The following THRB variants were observed in gnomAD, a reference collection of about 807,000 sequenced individuals.
The protein encoded by THRB is nuclear receptor subfamily 1 group A member 2.
A neutral mutation model predicts 47.8 loss-of-function variants in THRB; 12 were observed. The ratio of observed to expected loss-of-function variants is 0.25; its 90% CI spans 0.16 to 0.41. The LOEUF is 0.41. Ranked by LOEUF, THRB falls within the 10% of genes least tolerant of loss-of-function variation. The pLI, the probability that THRB is intolerant of heterozygous loss-of-function variation, is 1.00. For synonymous variants in THRB, 218 were observed against 212.2 expected (o/e 1.03, Z -0.24); for missense variants, 348 against 589.2 (o/e 0.59, Z 4.24).
chr3:24,368,302 C>T (rs572254757), intron 1 of THRB, among the ~76,000 whole-genome samples: 13 of 152,084 alleles, frequency 8.5e-5, no homozygotes, highest in Non-Finnish European at 1.3e-4. Flanking sequence ...GACTTTACTG[C>T]GGTATTGTGA....
At chr3:24,404,968 T>C (rs974458401) in intron 1 of THRB, among the ~76,000 whole-genome samples, 1 of 151,932 alleles carries the variant, frequency 6.6e-6, no homozygotes, top group Non-Finnish European at 1.5e-5. Flanking sequence ...AACCTAAGAA[T>C]GATCATTAAA....
chr3:24,395,488 T>A (rs2066889834), intron 1 of THRB, among the ~76,000 whole-genome samples: 1 of 152,016 alleles, frequency 6.6e-6, no homozygotes, highest in Non-Finnish European at 1.5e-5. Flanking sequence ...CCAAAGATGA[T>A]AAACAAGTGG....
At chr3:24,148,329 G>A (rs1048070786) in intron 6 of THRB, among the ~76,000 whole-genome samples, 1 of 152,086 alleles carries the variant, frequency 6.6e-6, no homozygotes, top group Admixed American at 6.5e-5. Context: ...GTTTTGCCAT[G>A]TTGGCCAGGC....
At chr3:24,160,708 G>T (rs6788387) in intron 5 of THRB, among the ~76,000 whole-genome samples, 1 of 151,970 alleles carries the variant, frequency 6.6e-6, no homozygotes, top group Non-Finnish European at 1.5e-5. Context: ...AAAAGCTGGA[G>T]CAGAGTGGGT....
intron 1 of THRB, among the ~76,000 whole-genome samples, chr3:24,406,778 A>G (rs2067859921): frequency 6.6e-6 from 1 of 151,944 alleles, no homozygotes; most frequent in Non-Finnish European, 1.5e-5. Context: ...AATAATAGAG[A>G]GAGACATCAC....
intron 9 of THRB, among the ~76,000 whole-genome samples, chr3:24,130,352 C>T (rs952850661): frequency 1.3e-5 from 2 of 152,200 alleles, no homozygotes; most frequent in Non-Finnish European, 2.9e-5. Context: ...GTGTTTGCTC[C>T]TGGTGGCGGA....
intron 6 of THRB, among the ~76,000 whole-genome samples, chr3:24,148,238 T>C (rs1468582044): frequency 6.6e-6 from 1 of 152,242 alleles, no homozygotes; most frequent in African/African-American, 2.4e-5. Context: ...GTGATTCTCA[T>C]ATCTTAGCAT....
chr3:24,346,892 G>A (rs1026827424), intron 1 of THRB, among the ~76,000 whole-genome samples: 1 of 151,926 alleles, frequency 6.6e-6, no homozygotes, highest in Non-Finnish European at 1.5e-5. Context: ...GAGTAAGAAC[G>A]TAGATAAGGA....
In THRB at chr3:24,315,231, A is replaced by G. The variant is rs117287098; in HGVS notation, c.-188-17860T>C. 1.1e-3 allele frequency among the ~76,000 whole-genome samples: 165 copies of G among 152,272 alleles called. 1 individual carries two copies. The East Asian group carries it at 0.024, about 22-fold the overall frequency. ...CTTCAGTGTTCACACACAGAGCATC[A>G]CGGGGGTGGTTTGACACTTACCCTG... is the stretch of plus-strand genomic sequence containing the variant. On this transcript the variant is annotated intron_variant, in intron 2 of 10. Transcript: ENST00000646209.
At chr3:24,361,643 G>A (rs73150319) in intron 1 of THRB, among the ~76,000 whole-genome samples, 5,451 of 152,198 alleles carry the variant, frequency 0.036, 154 homozygotes, top group East Asian at 0.12. Flanking sequence ...AGAAATAAAG[G>A]TATGAAAGAG....
chr3:24,152,156 GAAGTA>G (rs1308456367), intron 6 of THRB, among the ~76,000 whole-genome samples: 2 of 152,098 alleles, frequency 1.3e-5, no homozygotes, highest in African/African-American at 4.8e-5. Context: ...AACACTTGCA[GAAGTA>G]AAGAAACCAG....
chr3:24,192,044 C>T (rs2043418494), intron 4 of THRB, among the ~76,000 whole-genome samples: 1 of 152,148 alleles, frequency 6.6e-6, no homozygotes, highest in South Asian at 2.1e-4. Context: ...ATAGATTCTT[C>T]CTTTTCAGAG....
chr3:24,397,374 C>T (rs975723633), intron 1 of THRB, among the ~76,000 whole-genome samples: 2 of 152,096 alleles, frequency 1.3e-5, no homozygotes, highest in Admixed American at 1.3e-4. Flanking sequence ...TAGAGATTTG[C>T]TCCAAGTTTC....
At chr3:24,239,182 T>C (rs2049221201) in intron 3 of THRB, among the ~76,000 whole-genome samples, 1 of 152,148 alleles carries the variant, frequency 6.6e-6, no homozygotes, top group Non-Finnish European at 1.5e-5. Context: ...CCTCAAGTGA[T>C]CTGCCCACCT....
Position 24,155,453 on chromosome 3 carries a change from T to C in THRB, c.284-2963A>G, listed in dbSNP as rs145495267. Among the ~76,000 whole-genome samples the C allele has an allele frequency of 9.0e-4, 137 of 152,326 alleles. 2 individuals carry two copies. Among genetic ancestry groups the C allele is most frequent in the African/African-American group, 3.1e-3 (128 of 41,568 alleles). Reference sequence around the variant, plus strand: ...CCAAAACAGTCACCACAGGCAATGATACATCAATCATTATGCCTAAGTCCA... The same window carrying C: ...CCAAAACAGTCACCACAGGCAATGACACATCAATCATTATGCCTAAGTCCA... On this transcript the variant is annotated intron_variant, in intron 5 of 10. Transcript: ENST00000646209.
Position 24,135,847 on chromosome 3 carries a change from A to ATATATATATATATATATATATT in THRB, c.739-2386_739-2385insAATATATATATATATATATATA, listed in dbSNP as rs371175625. Among the ~76,000 whole-genome samples the ATATATATATATATATATATATT allele has an allele frequency of 5.7e-4, 74 of 130,938 alleles. 1 individual carries two copies. Among genetic ancestry groups the ATATATATATATATATATATATT allele is most frequent in the East Asian group, 4.2e-3 (20 of 4,804 alleles). The allele number at this position is 130,938 out of a possible 152,430, so 85.9% of individuals were successfully genotyped here. A position where few individuals can be genotyped will look rare whatever the true frequency, so the allele number is the denominator to read the frequency against. The stretch of plus-strand genomic sequence containing the variant: ...TATATATATATATATATATATATAT[A>ATATATATATATATATATATATT]ATACATAAATATATATTAATTACAT... On this transcript the variant is annotated intron_variant, in intron 8 of 10. Coordinates refer to ENST00000646209, the MANE Select transcript of THRB (RefSeq NM_001354712.2).
At chr3:24,123,165 G>A (rs1413091525) in intron 10 of THRB, 40 bp from the exon 11 acceptor site, 1 of 1,612,592 alleles carries the variant, frequency 6.2e-7, no homozygotes, top group Non-Finnish European at 8.5e-7. Context: ...TTCAGAGATG[G>A]AAGGGGGAAG....
In THRB at chr3:24,308,101, CCATGGCA is replaced by C. The variant is rs575185407; in HGVS notation, c.-188-10737_-188-10731del. 6.0e-4 allele frequency among the ~76,000 whole-genome samples: 92 copies of C among 152,164 alleles called. 1 individual carries two copies. Among genetic ancestry groups the C allele is most frequent in the Non-Finnish European group, 1.0e-3 (71 of 67,996 alleles). ...AGGTAGGACTATAAAATAAGAACCA[CCATGGCA>C]CATGTTTACCTATGTACAAACCTGC... On this transcript the variant is annotated intron_variant, in intron 2 of 10. Coordinates refer to ENST00000646209, the MANE Select transcript of THRB (RefSeq NM_001354712.2).
intron 4 of THRB, among the ~76,000 whole-genome samples, chr3:24,223,956 T>C (rs1464851464): frequency 6.6e-6 from 1 of 152,158 alleles, no homozygotes; most frequent in African/African-American, 2.4e-5. Context: ...AAAGGCTTGA[T>C]ACAATTTTGC....
Sources: gnomAD v4.1 joint callset for allele counts (sites outside exome capture counted in the v4.1 genomes callset) on GRCh38, gnomAD v4.1.1 for gene constraint, MANE v1.5 for transcripts, NCBI Gene and HGNC (gene_info 2026-07-23, HGNC 2026-07-21) for gene names.